The following RORA variants were observed in gnomAD, a reference collection of about 807,000 sequenced individuals.
RORA encodes the protein RAR related orphan receptor A, also known as nuclear receptor ROR-alpha.
A neutral mutation model predicts 69.5 loss-of-function variants in RORA; 7 were observed. That is an observed-to-expected ratio of 0.10 (90% CI 0.06 to 0.19). The LOEUF is 0.19. RORA is among the 10% of genes least tolerant of loss of function. The pLI is 1.00. For synonymous variants in RORA, 261 were observed against 240.8 expected, an observed-to-expected ratio of 1.08 and a Z score of -0.78; for missense variants, 457 against 663.0, an observed-to-expected ratio of 0.69 and a Z score of 3.41.
At chr15:60,573,360 T>C (rs1471221824) in intron 2 of RORA, among the ~76,000 whole-genome samples, 1 of 152,098 alleles carries the variant, frequency 6.6e-6, no homozygotes, top group Non-Finnish European at 1.5e-5. Context: ...CTCAACACCA[T>C]ACAAGAGGCA....
chr15:60,884,152 A>C (rs1463275959), intron 1 of RORA, among the ~76,000 whole-genome samples: 1 of 152,100 alleles, frequency 6.6e-6, no homozygotes, highest in African/African-American at 2.4e-5. Context: ...TAAAAGAGCT[A>C]TGCTGTGGTG....
chr15:60,898,982 C>A (rs548035198), intron 1 of RORA, among the ~76,000 whole-genome samples: 1 of 152,224 alleles, frequency 6.6e-6, no homozygotes, highest in Non-Finnish European at 1.5e-5. Flanking sequence ...CCAGAAAGCA[C>A]CCAGCAAGTT....
chr15:60,896,818 AT>A (rs1891243839), intron 1 of RORA, among the ~76,000 whole-genome samples: 1 of 148,638 alleles, frequency 6.7e-6, no homozygotes, highest in African/African-American at 2.5e-5. Context: ...AAGAGCTGTC[AT>A]TTCCTAGCAC....
In RORA at chr15:60,604,370, T is replaced by C. The variant is rs529179686; in HGVS notation, c.197-72519A>G. Among the ~76,000 whole-genome samples, 10 of 152,284 alleles carry C rather than the reference T, an allele frequency of 6.6e-5. No individual in the cohort carries two copies. The South Asian group carries it at 2.1e-3, about 32-fold the overall frequency. ...AAATTTTAGTGAGTATGCAAATTTG[T>C]AAACACAAAATCCTCCAGTAATGCG... On this transcript the variant is annotated intron_variant, in intron 2 of 10. Coordinates refer to ENST00000335670, the MANE Select transcript of RORA (RefSeq NM_134261.3).
chr15:60,895,586 G>C (rs58233104), intron 1 of RORA, among the ~76,000 whole-genome samples: 1 of 151,848 alleles, frequency 6.6e-6, no homozygotes, highest in East Asian at 1.9e-4. Flanking sequence ...TCAATAGCTC[G>C]GCATCTTGTG....
intron 1 of RORA, among the ~76,000 whole-genome samples, chr15:60,854,758 T>C (rs1412985011): frequency 6.6e-6 from 1 of 152,232 alleles, no homozygotes; most frequent in Non-Finnish European, 1.5e-5. Context: ...CTCAAGGCAA[T>C]TGGCATTTTT....
chr15:60,497,338 GT>G lies in RORA; in HGVS notation c.*116del, dbSNP rs1463478625. Reference sequence around the variant, plus strand: ...TGCCTGACCCCGATCACCAAAAGATGTGCAGTGTGTGGCGCTCCAGGTCTGT... The same window carrying G: ...TGCCTGACCCCGATCACCAAAAGATGGCAGTGTGTGGCGCTCCAGGTCTGT... On this transcript the variant is annotated 3_prime_UTR_variant, in exon 11 of 11. Transcript: ENST00000335670. The G allele has an allele frequency of 1.3e-6, 1 of 755,224 alleles. No homozygotes were observed. Among genetic ancestry groups the G allele is most frequent in the African/African-American group, 1.8e-5 (1 of 56,622 alleles). The allele number at this position is 755,224 out of a possible 1,614,324, so 46.8% of individuals were successfully genotyped here.
chr15:60,873,935 C>T lies in RORA; in HGVS notation c.167-195249G>A, dbSNP rs1486192006. On this transcript the variant is annotated intron_variant, in intron 1 of 10. Coordinates refer to ENST00000335670, the MANE Select transcript of RORA (RefSeq NM_134261.3). ...CAGAATGCAAAGCAGTCTGTCTATC[C>T]TTCTATAAATATTCGCCAATTAGCT... Among the ~76,000 whole-genome samples the T allele has an allele frequency of 2.0e-5, 3 of 152,096 alleles. No homozygotes were observed. The East Asian group carries it at 5.8e-4, about 29-fold the overall frequency.
At chr15:60,897,676 G>A (rs1034504145) in intron 1 of RORA, among the ~76,000 whole-genome samples, 22 of 152,206 alleles carry the variant, frequency 1.4e-4, no homozygotes, top group Admixed American at 1.4e-3. Context: ...CCTATGACAT[G>A]TGAATTGTAT....
chr15:60,862,179 C>G (rs115205132), intron 1 of RORA, among the ~76,000 whole-genome samples: 1,526 of 152,292 alleles, frequency 0.01, 37 homozygotes, highest in African/African-American at 0.035. Flanking sequence ...TTTTCTAACT[C>G]AGTGGACTCT....
At chr15:60,643,410 T>C (rs1335861960) in intron 2 of RORA, among the ~76,000 whole-genome samples, 2 of 152,176 alleles carry the variant, frequency 1.3e-5, no homozygotes, top group Non-Finnish European at 2.9e-5. Flanking sequence ...TCACTGGCTA[T>C]TTCCTATTCG....
At chr15:61,019,812 C>T (rs1895440450) in intron 1 of RORA, among the ~76,000 whole-genome samples, 1 of 152,198 alleles carries the variant, frequency 6.6e-6, no homozygotes, top group African/African-American at 2.4e-5. Context: ...ACCACCTCTC[C>T]AATGGCTGGT....
rs867868254 is a variant in RORA, at chr15:61,167,833, C to T, written c.166+61220G>A. ...ACCCTCCAAGGTGGTCCCACCCCAC[C>T]CACCACTCTCCTACACAGTCCCTGT... On this transcript the variant is annotated intron_variant, in intron 1 of 10. Transcript: ENST00000335670. Among the ~76,000 whole-genome samples the T allele has an allele frequency of 7.2e-5, 11 of 152,296 alleles. No individual in the cohort carries two copies. In the Middle Eastern group the frequency reaches 0.01, roughly 141 times the overall value.
At chr15:60,898,898 G>T (rs1417421631) in intron 1 of RORA, among the ~76,000 whole-genome samples, 1 of 152,168 alleles carries the variant, frequency 6.6e-6, no homozygotes, top group Admixed American at 6.5e-5. Context: ...CACAGGGGAT[G>T]GGTTTGGGGT....
chr15:60,951,850 C>T (rs1893108507), intron 1 of RORA, among the ~76,000 whole-genome samples: 2 of 151,946 alleles, frequency 1.3e-5, no homozygotes, highest in Admixed American at 1.3e-4. Flanking sequence ...CAGCCGAATT[C>T]TATCAGAGGT....
At chr15:60,974,424 C>T (rs376094629) in intron 1 of RORA, among the ~76,000 whole-genome samples, 23 of 152,284 alleles carry the variant, frequency 1.5e-4, no homozygotes, top group African/African-American at 5.5e-4. Flanking sequence ...GCTGCCTCAC[C>T]CATTTCTCCC....
chr15:60,663,491 T>C (rs1265107719), intron 2 of RORA, among the ~76,000 whole-genome samples: 3 of 152,246 alleles, frequency 2.0e-5, no homozygotes, highest in Non-Finnish European at 2.9e-5. Context: ...GTTTCACTCT[T>C]GTTGCCCAGG....
chr15:61,190,458 A>G (rs1050017817), intron 1 of RORA, among the ~76,000 whole-genome samples: 1 of 152,076 alleles, frequency 6.6e-6, no homozygotes, highest in African/African-American at 2.4e-5. Context: ...GATAGATTAC[A>G]TAAAGAGTTC....
At chr15:60,939,111 C>A (rs1189258145) in intron 1 of RORA, among the ~76,000 whole-genome samples, 1 of 152,230 alleles carries the variant, frequency 6.6e-6, no homozygotes, top group African/African-American at 2.4e-5. Flanking sequence ...CATCGCAGCT[C>A]CTGACCTCCA....
Sources: gnomAD v4.1 joint callset for allele counts (sites outside exome capture counted in the v4.1 genomes callset) on GRCh38, gnomAD v4.1.1 for gene constraint, MANE v1.5 for transcripts, NCBI Gene and HGNC (gene_info 2026-07-23, HGNC 2026-07-21) for gene names.